Variants in CHCHD6 observed in about 807,000 individuals in gnomAD.
The protein encoded by CHCHD6 is MICOS complex subunit MIC25.
CHCHD6 carries 28 observed loss-of-function variants against 32.3 expected under a neutral mutation model. The observed-to-expected ratio is 0.87, with a 90% CI of 0.64 to 1.19. CHCHD6 has a LOEUF of 1.19. CHCHD6 is among the 50% of genes most tolerant of loss of function. The probability of loss-of-function intolerance (pLI) is 0.00; values close to 1 mark genes in which losing one functional copy is unlikely to be tolerated. For missense variants in CHCHD6, 333 were observed against 307.0 expected, an observed-to-expected ratio of 1.08 and a Z score of -0.63; for synonymous variants, 122 against 117.5, an observed-to-expected ratio of 1.04 and a Z score of -0.25.
In CHCHD6 at chr3:126,784,937, A is replaced by G. The variant is rs995249899; in HGVS notation, c.411+51715A>G. On this transcript the variant is annotated intron_variant, in intron 4 of 7. Coordinates refer to ENST00000290913, the MANE Select transcript of CHCHD6 (RefSeq NM_032343.3). ...GCTTATATATTTTCCCAGAATTTCC[A>G]AAGTACTTTATGTATTTATTTTTCC... is the stretch of plus-strand genomic sequence containing the variant. Among the ~76,000 whole-genome samples, 27 of 151,990 alleles carry G rather than the reference A, an allele frequency of 1.8e-4. 1 individual carries two copies. The highest frequency in any genetic ancestry group is 5.9e-5 in the Non-Finnish European group (4 of 68,002).
chr3:126,715,044 T>A (rs1934944834), intron 1 of CHCHD6, among the ~76,000 whole-genome samples: 1 of 152,144 alleles, frequency 6.6e-6, no homozygotes, highest in African/African-American at 2.4e-5. Flanking sequence ...GTTTTTAAAG[T>A]AGGTTGTCTG....
intron 4 of CHCHD6, among the ~76,000 whole-genome samples, chr3:126,793,177 CTTCTT>C (rs1938632249): frequency 6.6e-6 from 1 of 151,972 alleles, no homozygotes; most frequent in Non-Finnish European, 1.5e-5. Context: ...ATAGCAGTCT[CTTCTT>C]TTAATTGGTA....
At chr3:126,923,381 ATATCT>A (rs2078280372) in intron 6 of CHCHD6, among the ~76,000 whole-genome samples, 1 of 152,212 alleles carries the variant, frequency 6.6e-6, no homozygotes, top group African/African-American at 2.4e-5. Flanking sequence ...GGTCAACCTA[ATATCT>A]TATATATCTC....
intron 4 of CHCHD6, among the ~76,000 whole-genome samples, chr3:126,827,348 G>A (rs572425465): frequency 4.6e-5 from 7 of 152,202 alleles, no homozygotes; most frequent in South Asian, 2.1e-4. Flanking sequence ...GCTGCCATGC[G>A]TCATCTGGGA....
At chr3:126,879,612 C>T (rs763362630) in intron 5 of CHCHD6, among the ~76,000 whole-genome samples, 4 of 152,222 alleles carry the variant, frequency 2.6e-5, no homozygotes, top group Non-Finnish European at 4.4e-5. Flanking sequence ...GATAAAGAGA[C>T]ATGTCAAGTG....
At chr3:126,840,123 T>C (rs552458611) in intron 4 of CHCHD6, among the ~76,000 whole-genome samples, 35 of 152,352 alleles carry the variant, frequency 2.3e-4, no homozygotes, top group African/African-American at 7.2e-4. Context: ...ATTTATGTTG[T>C]AGCATGTATT....
At position 126,791,672 on chromosome 3, in the gene CHCHD6, C is replaced by T. The variant is rs1359561959; in HGVS notation, c.411+58450C>T. ...TTGCCTGGGCTGGAGTGCAATGGCA[C>T]GATCTTGGCTCACTGCAGCCTCCAC... On this transcript the variant is annotated intron_variant, in intron 4 of 7. Coordinates refer to ENST00000290913, the MANE Select transcript of CHCHD6 (RefSeq NM_032343.3). Among the ~76,000 whole-genome samples the T allele has an allele frequency of 2.6e-5, 4 of 152,208 alleles. 1 individual carries two copies. Among genetic ancestry groups the T allele is most frequent in the Middle Eastern group, 6.3e-3 (2 of 316 alleles).
intron 1 of CHCHD6, among the ~76,000 whole-genome samples, chr3:126,723,419 T>A (rs960950755): frequency 6.6e-6 from 1 of 152,218 alleles, no homozygotes; most frequent in Non-Finnish European, 1.5e-5. Flanking sequence ...TCTGTATATG[T>A]GTCTTATGTG....
chr3:126,957,786 C>T (rs1025027587), intron 7 of CHCHD6: 4 of 604,016 alleles, frequency 6.6e-6, no homozygotes, highest in East Asian at 2.9e-5. Flanking sequence ...ATCCCTGTTG[C>T]GTTTGCCCTA....
At chr3:126,772,486 T>C (rs1281828099) in intron 4 of CHCHD6, among the ~76,000 whole-genome samples, 1 of 152,236 alleles carries the variant, frequency 6.6e-6, no homozygotes, top group Non-Finnish European at 1.5e-5. Flanking sequence ...CTCTTTACCA[T>C]TGTGTAACGC....
intron 4 of CHCHD6, among the ~76,000 whole-genome samples, chr3:126,807,359 A>G (rs971519097): frequency 2.0e-5 from 3 of 152,148 alleles, no homozygotes; most frequent in African/African-American, 4.8e-5. Flanking sequence ...AATTCATAAA[A>G]TAAGAGTAGG....
chr3:126,746,256 A>C (rs1300732025), intron 4 of CHCHD6, among the ~76,000 whole-genome samples: 2 of 152,338 alleles, frequency 1.3e-5, no homozygotes, highest in East Asian at 3.9e-4. Context: ...GAGCACCTGC[A>C]CATCAGCCTC....
At chr3:126,776,284 T>G (rs1305382183) in intron 4 of CHCHD6, among the ~76,000 whole-genome samples, 5 of 152,228 alleles carry the variant, frequency 3.3e-5, no homozygotes, top group Admixed American at 3.3e-4. Flanking sequence ...TCACTGCCTT[T>G]GTAGTATCAT....
intron 5 of CHCHD6, among the ~76,000 whole-genome samples, chr3:126,861,575 C>G (rs1194512483): frequency 2.0e-5 from 3 of 151,574 alleles, no homozygotes; most frequent in Non-Finnish European, 4.4e-5. Flanking sequence ...ACCTCATCCT[C>G]CTCATCCTCC....
intron 1 of CHCHD6, among the ~76,000 whole-genome samples, chr3:126,725,598 G>A (rs1935492201): frequency 1.3e-5 from 2 of 152,188 alleles, no homozygotes; most frequent in South Asian, 2.1e-4. Context: ...AAGGTTTGAA[G>A]CCAGGCATTG....
chr3:126,864,825 CTCCTCT>C (rs1942193559), intron 5 of CHCHD6, among the ~76,000 whole-genome samples: 1 of 146,384 alleles, frequency 6.8e-6, no homozygotes, highest in African/African-American at 2.6e-5. Context: ...CCAGCATCAT[CTCCTCT>C]TCCTCCTCCA....
intron 7 of CHCHD6, 69 bp downstream of exon 7, chr3:126,957,620 T>C (rs773520792): frequency 2.0e-6 from 3 of 1,509,156 alleles, no homozygotes; most frequent in Middle Eastern, 1.7e-4. Context: ...CTATCTAGCA[T>C]TGGAGATCTC....
chr3:126,849,159 A>G (rs894853374), intron 4 of CHCHD6, among the ~76,000 whole-genome samples: 1 of 152,190 alleles, frequency 6.6e-6, no homozygotes, highest in African/African-American at 2.4e-5. Flanking sequence ...GAAGTTTTTT[A>G]TATCAGCTTC....
At chr3:126,714,858 G>C (rs1934935729) in intron 1 of CHCHD6, among the ~76,000 whole-genome samples, 1 of 152,178 alleles carries the variant, frequency 6.6e-6, no homozygotes, top group Non-Finnish European at 1.5e-5. Context: ...TTCATCCTCA[G>C]AGTGAGGACG....
Sources: gnomAD v4.1 joint callset for allele counts (sites outside exome capture counted in the v4.1 genomes callset) on GRCh38, gnomAD v4.1.1 for gene constraint, MANE v1.5 for transcripts, NCBI Gene and HGNC (gene_info 2026-07-23, HGNC 2026-07-21) for gene names.